TRIP6: variants seen among roughly 807,000 people sequenced by gnomAD.
TRIP6 encodes the protein thyroid receptor-interacting protein 6.
TRIP6 carries 33 observed loss-of-function variants against 51.9 expected under a neutral mutation model. The observed-to-expected ratio is 0.64, with a 90% CI of 0.48 to 0.85. TRIP6 has a LOEUF of 0.85. Ranked by LOEUF, TRIP6 falls within the 40% of genes least tolerant of loss-of-function variation. TRIP6 has a pLI of 0.00. For missense variants in TRIP6, 661 were observed against 652.1 expected (o/e 1.01, Z -0.15); for synonymous variants, 255 against 275.8 (o/e 0.92, Z 0.75).
chr7:100,870,066 C>T (rs1352066849), intron 4 of TRIP6, among the ~76,000 whole-genome samples: 1 of 152,136 alleles, frequency 6.6e-6, no homozygotes, highest in Non-Finnish European at 1.5e-5. Context: ...GAGACAGTGA[C>T]AGATCATCAG....
At position 100,868,865 on chromosome 7, in the gene TRIP6, A is replaced by C; in HGVS notation, c.734A>C (p.Gln245Pro). The C allele has an allele frequency of 6.6e-7, 1 of 1,503,974 alleles. No homozygotes were observed. The allele number at this position is 1,503,974 out of a possible 1,614,324, so 93.2% of individuals were successfully genotyped here. ...GGAAGAGGAGGCGAGCACGGGCCCC[A>C]GGTGAGCCCTGGGGAACTGGGATTT... ...GRGRGGEHGP[Q>P]VPLSQPPEDE... Residue 245 changes from glutamine to proline, a missense_variant and splice_region_variant, in exon 4 of 9, where the codon CAG (glutamine) becomes CCG (proline). Physicochemically the swap from Gln to Pro is moderately conservative, Grantham distance 76. Coordinates refer to ENST00000200457, the MANE Select transcript of TRIP6 (RefSeq NM_003302.3).
rs750780514 is a variant in TRIP6, at chr7:100,870,636, C to T, written c.892C>T (p.Arg298Cys). 28 of 1,613,958 alleles carry T rather than the reference C, an allele frequency of 1.7e-5. No homozygotes were observed. Among genetic ancestry groups the T allele is most frequent in the South Asian group, 3.3e-5 (3 of 91,072 alleles). Residue 298 changes from arginine to cysteine, a missense_variant, in exon 6 of 9, where the codon CGC (arginine) becomes TGC (cysteine). Coordinates refer to ENST00000200457, the MANE Select transcript of TRIP6 (RefSeq NM_003302.3). ...GDGAGVVALD[R>C]VFHVGCFVCS... ...TGGGGCTGGGGTTGTGGCCCTTGAT[C>T]GCGTCTTTCACGTGGGCTGCTTTGT...
rs1230541078 is a variant in TRIP6 at position 100,870,743 on chromosome 7, G to A, written c.999G>A (p.Val333=). ...ERRAYCEGCY[V]ATLEKCATCS... ...GGGCATATTGCGAGGGCTGCTACGTGGTGAGTGGCTGGGGCTGGGAGGAGG... is the reference window on the plus strand; with the variant it reads ...GGGCATATTGCGAGGGCTGCTACGTAGTGAGTGGCTGGGGCTGGGAGGAGG... The change falls in exon 6 of 9, where the codon GTG becomes GTA. Residue 333 remains valine, a splice_region_variant and synonymous_variant. Transcript: ENST00000200457. The A allele has an allele frequency of 8.1e-6, 13 of 1,610,072 alleles. No individual in the cohort carries two copies. The highest frequency in any genetic ancestry group is 1.7e-5 in the Admixed American group (1 of 59,872).
rs150353752 is a variant in TRIP6 at position 100,868,619 on chromosome 7, C to T, written c.488C>T (p.Pro163Leu). Residue 163 changes from proline (P) to leucine (L), a missense_variant, in exon 4 of 9, where the codon CCG (proline) becomes CTG (leucine). Coordinates refer to ENST00000200457, the MANE Select transcript of TRIP6 (RefSeq NM_003302.3). ...TPASYTTASTPAGPAFPVQVK... is the reference protein window; with the variant it reads ...TPASYTTASTLAGPAFPVQVK... ...GCCTCTTACACTACCGCCAGCACCC[C>T]GGCTGGCCCAGCCTTCCCCGTGCAA... 120 of 1,612,718 alleles carry T rather than the reference C, an allele frequency of 7.4e-5. No homozygotes were observed. The highest frequency in any genetic ancestry group is 6.1e-4 in the African/African-American group (46 of 75,064).
At position 100,872,621 on chromosome 7, in the gene TRIP6, C is replaced by T. The variant is rs774478627; in HGVS notation, c.1179-3C>T. 1 of 1,613,954 alleles carries T rather than the reference C, an allele frequency of 6.2e-7. No individual in the cohort carries two copies. Among genetic ancestry groups the T allele is most frequent in the Non-Finnish European group, 8.5e-7 (1 of 1,179,882 alleles). ...TGGCCTTCTTGGTTCTCTTCCCCTGCAGGAAGTTTGCCCCAAGATGCTCAG... is the reference window on the plus strand; with the variant it reads ...TGGCCTTCTTGGTTCTCTTCCCCTGTAGGAAGTTTGCCCCAAGATGCTCAG... On this transcript the variant is annotated splice_polypyrimidine_tract_variant and splice_region_variant and intron_variant, in intron 7 of 8. Transcript: ENST00000200457.
rs1254617881 is a variant in TRIP6 at position 100,867,555 on chromosome 7, G to T, written c.58G>T (p.Gly20Trp). 6.5e-7 allele frequency: 1 copy of T among 1,540,950 alleles called. No individual in the cohort carries two copies. ...GCCGGAGCCCGCCAGAGCCCCTCAG[G>T]GGAGGGCGATCCCCCGCGGCACCCC... is the stretch of plus-strand genomic sequence containing the variant. ...KQPEPARAPQ[G>W]RAIPRGTPGP... Residue 20 changes from glycine to tryptophan, a missense_variant, in exon 1 of 9, where the codon GGG becomes TGG. Gly to Trp is a radical substitution (Grantham distance 184, BLOSUM62 -2). Transcript: ENST00000200457. The surrounding 1 kb of genome is among the most constrained non-coding windows in gnomAD (Gnocchi z 5.4).
chr7:100,868,333 T>C, intron 3 of TRIP6, 100 bp downstream of exon 3: 1 of 1,569,006 alleles, frequency 6.4e-7, no homozygotes, highest in Non-Finnish European at 8.6e-7. Flanking sequence ...CACCCCAGCA[T>C]GGAGGAAGCG....
chr7:100,872,284 C>T (rs889619622), intron 7 of TRIP6, among the ~76,000 whole-genome samples: 21 of 150,520 alleles, frequency 1.4e-4, no homozygotes, highest in Admixed American at 6.0e-4. Flanking sequence ...CCACCTGCCT[C>T]GGCCGCCCAA....
chr7:100,868,156 G>C lies in TRIP6; in HGVS notation c.286G>C (p.Glu96Gln). 1 of 1,611,576 alleles carries C rather than the reference G, an allele frequency of 6.2e-7. No individual in the cohort carries two copies. The highest frequency in any genetic ancestry group is 8.5e-7 in the Non-Finnish European group (1 of 1,179,194). The change falls in exon 3 of 9, where the codon GAG (glutamate) becomes CAG (glutamine). Residue 96 changes from glutamate (E) to glutamine (Q), a missense_variant. By Grantham distance (29) the Glu-to-Gln change is conservative. Transcript: ENST00000200457. ...CCTTCGCCCTGGAAGCCTGGACGCC[G>C]AGATAGACTTGCTGAGCAGCACGCT... ...GGLRPGSLDA[E>Q]IDLLSSTLAE...
chr7:100,871,048 T>C (rs1346590452), intron 6 of TRIP6: 1 of 565,574 alleles, frequency 1.8e-6, no homozygotes, highest in East Asian at 4.2e-5. Context: ...TTTTTTGTTT[T>C]TTTTTGAGAC....
chr7:100,867,593 G>A lies in TRIP6; in HGVS notation c.96G>A (p.Pro32=). The part of the protein sequence containing the change: ...AIPRGTPGPP[P]AHGAALQPHP... ...CCCGCGGCACCCCGGGGCCACCACC[G>A]GCCCACGGAGCAGGTAAGGCAGCCC... Residue 32 remains proline (P), a synonymous_variant, in exon 1 of 9, where the codon CCG becomes CCA. Transcript: ENST00000200457. The surrounding 1 kb of genome is among the most constrained non-coding windows in gnomAD (Gnocchi z 5.4). 1 of 1,539,784 alleles carries A rather than the reference G, an allele frequency of 6.5e-7. No homozygotes were observed. The highest frequency in any genetic ancestry group is 8.7e-7 in the Non-Finnish European group (1 of 1,146,534).
intron 7 of TRIP6, among the ~76,000 whole-genome samples, chr7:100,872,178 C>G (rs1054957434): frequency 8.3e-6 from 1 of 120,616 alleles, no homozygotes; most frequent in African/African-American, 2.8e-5. Context: ...CCACGCCTGG[C>G]TAGTTTTTTT....
rs758268452 is a variant in TRIP6 at position 100,868,129 on chromosome 7, G to T, written c.259G>T (p.Gly87Cys). The stretch of plus-strand genomic sequence containing the variant: ...TCAGGGGCTCCCTGCAGACAGGGGG[G>T]GCCTTCGCCCTGGAAGCCTGGACGC... The part of the protein sequence containing the change: ...HTQGLPADRG[G>C]LRPGSLDAEI... Residue 87 changes from glycine to cysteine, a missense_variant, in exon 3 of 9, where the codon GGC becomes TGC. Transcript: ENST00000200457. 2.9e-5 allele frequency: 46 copies of T among 1,611,888 alleles called. No homozygotes were observed. Among genetic ancestry groups the T allele is most frequent in the Non-Finnish European group, 3.7e-5 (44 of 1,179,422 alleles).
chr7:100,868,722 C>A lies in TRIP6; in HGVS notation c.591C>A (p.Gly197=). ...CTCAGGCCTCTGGGCCCCTCCCGGG[C>A]CCCCACTTTCCTCTCCCAGGCCGAG... ...GASQASGPLP[G]PHFPLPGRGE... Residue 197 remains glycine, a synonymous_variant, in exon 4 of 9, where the codon GGC becomes GGA. Coordinates refer to ENST00000200457, the MANE Select transcript of TRIP6 (RefSeq NM_003302.3). 1 of 1,566,676 alleles carries A rather than the reference C, an allele frequency of 6.4e-7. No individual in the cohort carries two copies. Among genetic ancestry groups the A allele is most frequent in the South Asian group, 1.2e-5 (1 of 85,388 alleles).
Position 100,867,410 on chromosome 7 carries a change from T to C in TRIP6, c.-88T>C. On this transcript the variant is annotated 5_prime_UTR_variant, in exon 1 of 9. Coordinates refer to ENST00000200457, the MANE Select transcript of TRIP6 (RefSeq NM_003302.3). The surrounding 1 kb of genome is among the most constrained non-coding windows in gnomAD (Gnocchi z 5.4). ...CCAGAAAAAGTTTTCTTTTCTGGAG[T>C]CCCAAACGAGGTGCGGGACGGAAGA... 2.0e-6 allele frequency: 2 copies of C among 996,032 alleles called. No homozygotes were observed. Among genetic ancestry groups the C allele is most frequent in the Non-Finnish European group, 2.8e-6 (2 of 724,384 alleles). 61.7% of individuals were successfully genotyped at this position (996,032 alleles called of 1,614,324 possible). A position where few individuals can be genotyped will look rare whatever the true frequency, so the allele number is the denominator to read the frequency against.
At chr7:100,872,008 TCTTC>T (rs1174902976) in intron 7 of TRIP6, among the ~76,000 whole-genome samples, 1 of 149,208 alleles carries the variant, frequency 6.7e-6, no homozygotes, top group Non-Finnish European at 1.5e-5. Context: ...TGGCTAGTTT[TCTTC>T]GTTTTTTTTT....
chr7:100,871,695 G>C lies in TRIP6; in HGVS notation c.1152G>C (p.Gln384His). Residue 384 changes from glutamine to histidine, a missense_variant, in exon 7 of 9, where the codon CAG (glutamine) becomes CAC (histidine). Coordinates refer to ENST00000200457, the MANE Select transcript of TRIP6 (RefSeq NM_003302.3). ...GIPFTVDATS[Q>H]IHCIEDFHRK... Reference sequence around the variant, plus strand: ...CCTTCACAGTGGATGCTACGAGCCAGATCCACTGCATTGAGGACTTTCACA... The same window carrying C: ...CCTTCACAGTGGATGCTACGAGCCACATCCACTGCATTGAGGACTTTCACA... 1.2e-6 allele frequency: 2 copies of C among 1,614,078 alleles called. No homozygotes were observed. Among genetic ancestry groups the C allele is most frequent in the Non-Finnish European group, 1.7e-6 (2 of 1,180,032 alleles).
chr7:100,871,830 GTTCT>G (rs1815278404), intron 7 of TRIP6, 109 bp downstream of exon 7: 7 of 1,359,528 alleles, frequency 5.1e-6, no homozygotes, highest in South Asian at 1.4e-5. Flanking sequence ...GCCCTCCTTC[GTTCT>G]TTGTTATTGT....
intron 5 of TRIP6, 37 bp from the exon 6 acceptor site, chr7:100,870,537 G>A: frequency 6.2e-7 from 1 of 1,608,436 alleles, no homozygotes; most frequent in Non-Finnish European, 8.5e-7. Flanking sequence ...GGCTTCCTGG[G>A]TCTGTGAAGA....
Sources: gnomAD v4.1 joint callset for allele counts (sites outside exome capture counted in the v4.1 genomes callset) on GRCh38, gnomAD v4.1.1 for gene constraint, Gnocchi (gnomAD v3.1) non-coding constraint, MANE v1.5 for transcripts, NCBI Gene and HGNC (gene_info 2026-07-23, HGNC 2026-07-21) for gene names.